The following PPP2R2B variants were observed in gnomAD, a reference collection of about 807,000 sequenced individuals.
The protein encoded by PPP2R2B is serine/threonine-protein phosphatase 2A 55 kDa regulatory subunit B beta isoform.
A neutral mutation model predicts 46.0 loss-of-function variants in PPP2R2B; 5 were observed. That is an observed-to-expected ratio of 0.11 (90% CI 0.06 to 0.23). The LOEUF (loss-of-function observed/expected upper bound fraction) is 0.23. Ranked by LOEUF, PPP2R2B falls within the 10% of genes least tolerant of loss-of-function variation. The pLI, the probability that PPP2R2B is intolerant of heterozygous loss-of-function variation, is 1.00. For synonymous variants in PPP2R2B, 215 were observed against 206.7 expected, an observed-to-expected ratio of 1.04 and a Z score of -0.34; for missense variants, 367 against 575.0, an observed-to-expected ratio of 0.64 and a Z score of 3.70.
intron 1 of PPP2R2B, among the ~76,000 whole-genome samples, chr5:147,018,036 T>TGC (rs140640188): frequency 9.6e-4 from 15 of 15,590 alleles, no homozygotes; most frequent in African/African-American, 2.4e-3. Flanking sequence ...CACACATGCA[T>TGC]GCGCGCGCAC....
intron 8 of PPP2R2B, among the ~76,000 whole-genome samples, chr5:146,598,620 T>G (rs561888749): frequency 1.3e-5 from 2 of 152,338 alleles, no homozygotes; most frequent in South Asian, 2.1e-4. Context: ...GCAACTCTAC[T>G]TTTCTAATTG....
At chr5:146,801,644 C>A (rs903640210) in intron 2 of PPP2R2B, among the ~76,000 whole-genome samples, 2 of 152,030 alleles carry the variant, frequency 1.3e-5, no homozygotes, top group African/African-American at 4.8e-5. Context: ...GGCTGTAGGA[C>A]CTTAGGCACT....
intron 5 of PPP2R2B, among the ~76,000 whole-genome samples, chr5:146,659,499 C>T (rs1462290604): frequency 6.6e-6 from 1 of 151,988 alleles, no homozygotes; most frequent in Non-Finnish European, 1.5e-5. Flanking sequence ...ATCAGTATTC[C>T]CCTCCTTAAC....
intron 2 of PPP2R2B, among the ~76,000 whole-genome samples, chr5:146,848,915 C>T (rs570714396): frequency 6.6e-6 from 1 of 152,230 alleles, no homozygotes; most frequent in East Asian, 1.9e-4. Flanking sequence ...TGATTTTATA[C>T]TTTGGGATAG....
rs1770070227 is a variant in PPP2R2B, at chr5:146,584,963, T to C, written c.*4984A>G. The C allele has an allele frequency of 6.6e-6, 1 of 152,200 alleles. No individual in the cohort carries two copies. Among genetic ancestry groups the C allele is most frequent in the African/African-American group, 2.4e-5 (1 of 41,464 alleles). The allele number at this position is 152,200 out of a possible 1,614,324, so 9.4% of individuals were successfully genotyped here. ...AAAATTCTGCTTAGATGACACATTC[T>C]GAGAACCTTTTCTTATCACTCATTG... is the stretch of plus-strand genomic sequence containing the variant. On this transcript the variant is annotated 3_prime_UTR_variant, in exon 10 of 10. Coordinates refer to ENST00000394411, the MANE Select transcript of PPP2R2B (RefSeq NM_181675.4).
At chr5:146,760,867 C>T (rs913476798) in intron 2 of PPP2R2B, among the ~76,000 whole-genome samples, 1 of 152,136 alleles carries the variant, frequency 6.6e-6, no homozygotes, top group African/African-American at 2.4e-5. Flanking sequence ...TATGAACAGA[C>T]AGTTCTCAAA....
chr5:146,685,880 C>G (rs1316637672), intron 5 of PPP2R2B, among the ~76,000 whole-genome samples: 2 of 152,096 alleles, frequency 1.3e-5, no homozygotes, highest in East Asian at 1.9e-4. Flanking sequence ...CAGCCCTCAC[C>G]CCCCGCCTTC....
Position 146,898,492 on chromosome 5 carries a change from TGA to T in PPP2R2B, c.79+157171_79+157172del, listed in dbSNP as rs1314557664. ...ATTAATTCAAGATGGATTAAAGACTTGAACATTAGACCTAAAACCATAAAAAC... is the reference window on the plus strand; with the variant it reads ...ATTAATTCAAGATGGATTAAAGACTTACATTAGACCTAAAACCATAAAAAC... On this transcript the variant is annotated intron_variant, in intron 1 of 8. Coordinates refer to the PPP2R2B transcript ENST00000336640. Among the ~76,000 whole-genome samples, 3 of 152,144 alleles carry T rather than the reference TGA, an allele frequency of 2.0e-5. No homozygotes were observed. The East Asian group carries it at 5.8e-4, about 29-fold the overall frequency.
At chr5:147,073,020 A>G (rs902550342) in intron 2 of PPP2R2B, among the ~76,000 whole-genome samples, 1 of 152,170 alleles carries the variant, frequency 6.6e-6, no homozygotes, top group Non-Finnish European at 1.5e-5. Context: ...TTGTCATTAA[A>G]AACCATGTGG....
chr5:146,995,418 T>C (rs1753882319), intron 1 of PPP2R2B, among the ~76,000 whole-genome samples: 1 of 152,164 alleles, frequency 6.6e-6, no homozygotes, highest in South Asian at 2.1e-4. Context: ...TGTATTGTAA[T>C]TGGGGGTGTA....
chr5:146,600,403 G>A lies in PPP2R2B; in HGVS notation c.848C>T (p.Ser283Leu), dbSNP rs770649547. 9.3e-6 allele frequency: 15 copies of A among 1,613,716 alleles called. No individual in the cohort carries two copies. The highest frequency in any genetic ancestry group is 1.3e-5 in the Non-Finnish European group (15 of 1,179,890). ...GTGGCTGAACTTCACATCCGAAATC[G>A]AAGAGATAATTTCAGAGAAAAATGA... is the stretch of plus-strand genomic sequence containing the variant. ...NRSFFSEIIS[S>L]ISDVKFSHSG... The change falls in exon 8 of 10, where the codon TCG becomes TTG. Residue 283 changes from serine to leucine, a missense_variant. This residue lies in a region of PPP2R2B where 361 missense variants were observed against 545.5 expected (regional missense o/e 0.66). Coordinates refer to ENST00000394411, the MANE Select transcript of PPP2R2B (RefSeq NM_181675.4).
chr5:147,000,174 T>C lies in PPP2R2B; in HGVS notation c.79+55491A>G, dbSNP rs1195299661. Among the ~76,000 whole-genome samples, 4 of 152,230 alleles carry C rather than the reference T, an allele frequency of 2.6e-5. No individual in the cohort carries two copies. The East Asian group carries it at 7.7e-4, about 29-fold the overall frequency. ...ATTCTATTTATCACAAACTTTTGCA[T>C]TACTTTTGATTCTTCTAAATATGGC... On this transcript the variant is annotated intron_variant, in intron 1 of 8. Coordinates refer to the PPP2R2B transcript ENST00000336640.
At chr5:146,895,225 T>C (rs546550723) in intron 1 of PPP2R2B, among the ~76,000 whole-genome samples, 2 of 152,292 alleles carry the variant, frequency 1.3e-5, no homozygotes, top group South Asian at 4.1e-4. Flanking sequence ...ACAGTTAATA[T>C]CTCTTTATCC....
chr5:146,829,695 A>G (rs998333560), intron 2 of PPP2R2B, among the ~76,000 whole-genome samples: 1 of 152,234 alleles, frequency 6.6e-6, no homozygotes, highest in Admixed American at 6.5e-5. Context: ...GGTTTCATAC[A>G]GGTGGGTAAG....
intron 1 of PPP2R2B, among the ~76,000 whole-genome samples, chr5:146,943,576 G>A (rs1312481786): frequency 6.6e-6 from 1 of 152,034 alleles, no homozygotes; most frequent in Non-Finnish European, 1.5e-5. Flanking sequence ...TGGCACATTT[G>A]GGCCTTTTGA....
At chr5:146,918,138 T>A (rs1218032663) in intron 1 of PPP2R2B, among the ~76,000 whole-genome samples, 2 of 152,186 alleles carry the variant, frequency 1.3e-5, no homozygotes, top group Non-Finnish European at 2.9e-5. Flanking sequence ...ATGACAGAAC[T>A]GCCAGAAAGA....
At chr5:146,964,549 G>A (rs541220821) in intron 1 of PPP2R2B, among the ~76,000 whole-genome samples, 6 of 151,352 alleles carry the variant, frequency 4.0e-5, no homozygotes, top group South Asian at 2.1e-4. Flanking sequence ...ATTTTTATAC[G>A]GAGTCTTGCT....
intron 1 of PPP2R2B, among the ~76,000 whole-genome samples, chr5:146,988,904 A>C (rs1291186472): frequency 1.3e-5 from 2 of 151,984 alleles, no homozygotes; most frequent in African/African-American, 4.8e-5. Flanking sequence ...ATAAAAACAG[A>C]AATGAAAAAG....
At chr5:147,006,895 G>C (rs879837730) in intron 1 of PPP2R2B, among the ~76,000 whole-genome samples, 1 of 152,168 alleles carries the variant, frequency 6.6e-6, no homozygotes, top group African/African-American at 2.4e-5. Context: ...ACAGGAAAAG[G>C]TTTCCAAAAT....
Sources: gnomAD v4.1 joint callset for allele counts (sites outside exome capture counted in the v4.1 genomes callset) on GRCh38, gnomAD v4.1.1 for gene constraint, gnomAD v4.1.1 regional missense constraint, MANE v1.5 for transcripts, NCBI Gene and HGNC (gene_info 2026-07-23, HGNC 2026-07-21) for gene names.